Variants in IGF2R observed in about 807,000 individuals in gnomAD.
IGF2R encodes the protein insulin like growth factor 2 receptor, also known as cation-independent mannose-6-phosphate receptor.
In IGF2R, 91 loss-of-function variants were observed where a neutral mutation model predicts 270.6. The observed-to-expected ratio is 0.34, with a 90% CI of 0.28 to 0.40. The LOEUF is 0.40. Among genes scored for constraint, IGF2R ranks in the 10% least tolerant of loss-of-function variants. The pLI is 1.00. For synonymous variants in IGF2R, 1,316 were observed against 1,258.9 expected (o/e 1.05, Z -0.96); for missense variants, 2,805 against 3,188.3 (o/e 0.88, Z 2.90).
chr6:160,026,366 C>T (rs1777560879), intron 5 of IGF2R, among the ~76,000 whole-genome samples: 1 of 152,188 alleles, frequency 6.6e-6, no homozygotes, highest in Non-Finnish European at 1.5e-5. Context: ...ATTAATAAGG[C>T]AGGTAAAACT....
At chr6:160,016,699 CACCAGCCTGGTATATTACT>C (rs935210740) in intron 4 of IGF2R, among the ~76,000 whole-genome samples, 78 of 152,260 alleles carry the variant, frequency 5.1e-4, no homozygotes, top group African/African-American at 1.9e-3. Context: ...TGAGCCTGCT[CACCAGCCTGGTATATTACT>C]ACTACAACTG....
chr6:160,047,978 G>A (rs922214944), intron 17 of IGF2R, 71 bp downstream of exon 17: 53 of 998,104 alleles, frequency 5.3e-5, no homozygotes, highest in African/African-American at 1.1e-4. Context: ...GCTGGTGAGC[G>A]TGTGACTGAG....
At chr6:160,057,814 G>T (rs1778346239) in intron 20 of IGF2R, among the ~76,000 whole-genome samples, 1 of 152,186 alleles carries the variant, frequency 6.6e-6, no homozygotes, top group Non-Finnish European at 1.5e-5. Flanking sequence ...TGTAATTTCT[G>T]AGTCTGGGCT....
rs529864246 is a variant in IGF2R at position 160,103,883 on chromosome 6, G to A, written c.7065+68G>A. The A allele has an allele frequency of 2.4e-4, 257 of 1,067,758 alleles. 1 individual carries two copies. The highest frequency in any genetic ancestry group is 3.3e-4 in the Non-Finnish European group (226 of 685,330). The allele number at this position is 1,067,758 out of a possible 1,614,324, so 66.1% of individuals were successfully genotyped here. On this transcript the variant is annotated intron_variant, in intron 47 of 47. Transcript: ENST00000356956. The stretch of plus-strand genomic sequence containing the variant: ...CCCCCTGTGCTGCGCTGTCCATGTC[G>A]TTCTCATCAGGGGTGCCAAGGAAAG...
chr6:160,034,728 A>C (rs1311008854), intron 10 of IGF2R, among the ~76,000 whole-genome samples: 3 of 152,150 alleles, frequency 2.0e-5, no homozygotes, highest in African/African-American at 7.2e-5. Context: ...ACACACACAC[A>C]TCCTGTTTGT....
chr6:160,045,633 A>G lies in IGF2R; in HGVS notation c.1766-112A>G, dbSNP rs1350382022. The G allele has an allele frequency of 9.8e-6, 13 of 1,321,870 alleles. No individual in the cohort carries two copies. In the Admixed American group the frequency reaches 1.9e-4, roughly 19 times the overall value. The allele number at this position is 1,321,870 out of a possible 1,614,324, so 81.9% of individuals were successfully genotyped here. A position where few individuals can be genotyped will look rare whatever the true frequency, so the allele number is the denominator to read the frequency against. ...CTGTTTTTTGACCCTTCTATGCATT[A>G]TACCTCATTTCCCACTGTCCCTTCC... On this transcript the variant is annotated intron_variant, in intron 13 of 47. Transcript: ENST00000356956.
At chr6:159,969,416 C>T in intron 1 of IGF2R, 21 bp downstream of exon 1, 1 of 1,209,468 alleles carries the variant, frequency 8.3e-7, no homozygotes, top group South Asian at 3.8e-5. Flanking sequence ...CGCCCGGACG[C>T]AGGCTCCGCT....
intron 7 of IGF2R, among the ~76,000 whole-genome samples, chr6:160,030,366 C>T (rs68168937): frequency 0.2 from 29,947 of 152,026 alleles, 3,468 homozygotes; most frequent in East Asian, 0.52. Flanking sequence ...ATTCTTTTGC[C>T]AGAGAACCAC....
chr6:160,019,502 C>G (rs1209268434), intron 4 of IGF2R, among the ~76,000 whole-genome samples: 1 of 152,130 alleles, frequency 6.6e-6, no homozygotes, highest in South Asian at 2.1e-4. Context: ...CAAAGCCAAA[C>G]AAGCACACAA....
At chr6:160,008,552 G>A (rs540087991) in intron 2 of IGF2R, among the ~76,000 whole-genome samples, 2 of 152,264 alleles carry the variant, frequency 1.3e-5, no homozygotes, top group African/African-American at 4.8e-5. Context: ...TGATTTTGTA[G>A]CATATGTGAT....
chr6:160,046,292 G>A (rs1238483560), intron 14 of IGF2R, among the ~76,000 whole-genome samples: 1 of 152,150 alleles, frequency 6.6e-6, no homozygotes, highest in Admixed American at 6.5e-5. Context: ...GAAGGGAATG[G>A]TGGAGTTGGA....
intron 36 of IGF2R, 146 bp downstream of exon 36, chr6:160,076,142 A>G (rs1306488509): frequency 2.6e-6 from 2 of 767,900 alleles, no homozygotes; most frequent in South Asian, 1.8e-5. Context: ...AGTGTGTCTG[A>G]ATAATTTAAA....
rs146813404 is a variant in IGF2R, at chr6:160,058,917, C to T, written c.2910C>T (p.Cys970=). The T allele has an allele frequency of 3.3e-5, 53 of 1,614,000 alleles. No individual in the cohort carries two copies. In the African/African-American group the frequency reaches 4.3e-4, roughly 13 times the overall value. ...CGTCTGACCTGCAGTTTAATGTCTG[C>T]GGCACAATGCCTGTCTGTGGGACCA... ...GIGKIFMFNV[C]GTMPVCGTIL... Residue 970 remains cysteine, a synonymous_variant, in exon 22 of 48, where the codon TGC becomes TGT. Coordinates refer to ENST00000356956, the MANE Select transcript of IGF2R (RefSeq NM_000876.4).
intron 44 of IGF2R, chr6:160,093,623 G>A: frequency 4.2e-6 from 3 of 717,574 alleles, no homozygotes; most frequent in Non-Finnish European, 7.9e-6. Flanking sequence ...CTTCCTTCCA[G>A]AGGGAGAGGA....
At position 160,044,556 on chromosome 6, in the gene IGF2R, C is replaced by G; in HGVS notation, c.1664C>G (p.Pro555Arg). Residue 555 changes from proline (P) to arginine (R), a missense_variant, in exon 13 of 48, where the codon CCC becomes CGC. By Grantham distance (103) the Pro-to-Arg change is moderately radical. This residue lies in a region of IGF2R where 954 missense variants were observed against 981.1 expected (regional missense o/e 0.97). Coordinates refer to ENST00000356956, the MANE Select transcript of IGF2R (RefSeq NM_000876.4). ...SKNLGKFISSPMKEKGNIQLS... is the reference protein window; with the variant it reads ...SKNLGKFISSRMKEKGNIQLS... ...AATCTGGGAAAATTTATTTCCTCTC[C>G]CATGAAAGAGAAAGGAAACATTCAA... 6.2e-7 allele frequency: 1 copy of G among 1,606,604 alleles called. No homozygotes were observed. The highest frequency in any genetic ancestry group is 8.5e-7 in the Non-Finnish European group (1 of 1,174,656).
chr6:160,070,099 G>A, intron 31 of IGF2R, 41 bp downstream of exon 31: 1 of 1,595,792 alleles, frequency 6.3e-7, no homozygotes, highest in Non-Finnish European at 8.6e-7. Context: ...TGCAGCTTTG[G>A]GAATTGAGCC....
At chr6:159,985,383 G>A (rs953491182) in intron 1 of IGF2R, among the ~76,000 whole-genome samples, 1 of 152,232 alleles carries the variant, frequency 6.6e-6, no homozygotes, top group Non-Finnish European at 1.5e-5. Context: ...TGTTGGGCAA[G>A]TTCCTCATTC....
intron 2 of IGF2R, among the ~76,000 whole-genome samples, chr6:160,000,753 T>TTTTTA: frequency 1.4e-5 from 2 of 138,058 alleles, no homozygotes; most frequent in Admixed American, 7.2e-5. Flanking sequence ...TTTTTTTTTT[T>TTTTTA]GAGACAGAAT....
rs1783568924 is a variant in IGF2R at position 159,969,273 on chromosome 6, C to T, written c.27C>T (p.Pro9=). The change falls in exon 1 of 48, where the codon CCC becomes CCT. Residue 9 remains proline (P), a synonymous_variant. Transcript: ENST00000356956. ...TGGGGGCCGCCGCCGGCCGGAGCCCCCACCTGGGGCCCGCGCCCGCCCGCC... is the reference window on the plus strand; with the variant it reads ...TGGGGGCCGCCGCCGGCCGGAGCCCTCACCTGGGGCCCGCGCCCGCCCGCC... MGAAAGRS[P]HLGPAPARRP... 1.7e-6 allele frequency: 2 copies of T among 1,147,188 alleles called. No individual in the cohort carries two copies. Among genetic ancestry groups the T allele is most frequent in the Non-Finnish European group, 2.1e-6 (2 of 937,614 alleles). The allele number at this position is 1,147,188 out of a possible 1,614,324, so 71.1% of individuals were successfully genotyped here. A position where few individuals can be genotyped will look rare whatever the true frequency, so the allele number is the denominator to read the frequency against.
Sources: gnomAD v4.1 joint callset for allele counts (sites outside exome capture counted in the v4.1 genomes callset) on GRCh38, gnomAD v4.1.1 for gene constraint, gnomAD v4.1.1 regional missense constraint, MANE v1.5 for transcripts, NCBI Gene and HGNC (gene_info 2026-07-23, HGNC 2026-07-21) for gene names.